The following SNAP47 variants were observed in gnomAD, a reference collection of about 807,000 sequenced individuals.
The protein encoded by SNAP47 is synaptosomal-associated protein 47.
SNAP47 carries 20 observed loss-of-function variants against 31.4 expected under a neutral mutation model. That is an observed-to-expected ratio of 0.64 (90% CI 0.45 to 0.93). The LOEUF is 0.93. SNAP47 is among the 40% of genes least tolerant of loss of function. The pLI, the probability that SNAP47 is intolerant of heterozygous loss-of-function variation, is 0.00. For synonymous variants in SNAP47, 194 were observed against 213.4 expected, an observed-to-expected ratio of 0.91 and a Z score of 0.79; for missense variants, 492 against 528.5, an observed-to-expected ratio of 0.93 and a Z score of 0.68.
intron 4 of SNAP47, chr1:227,776,286 T>C (rs1264797587): frequency 9.9e-7 from 1 of 1,008,616 alleles, no homozygotes; most frequent in Non-Finnish European, 1.2e-6. Context: ...TGGATTGTAC[T>C]GTCCTTCAAG....
intron 4 of SNAP47, among the ~76,000 whole-genome samples, chr1:227,769,291 G>T (rs772653763): frequency 6.6e-6 from 1 of 152,184 alleles, no homozygotes; most frequent in Non-Finnish European, 1.5e-5. Flanking sequence ...GTCACCCAAG[G>T]TATGGGGTTG....
chr1:227,735,406 A>C (rs1270992298), upstream of SNAP47: 1 of 1,563,540 alleles, frequency 6.4e-7, no homozygotes, highest in African/African-American at 1.4e-5. Flanking sequence ...CCGGGCCTGC[A>C]CGCATGCGCG....
intron 2 of SNAP47, among the ~76,000 whole-genome samples, chr1:227,748,476 C>T (rs1424677134): frequency 6.6e-6 from 1 of 152,266 alleles, no homozygotes; most frequent in Non-Finnish European, 1.5e-5. Flanking sequence ...TGAGTGAGTG[C>T]TGGCTCACTG....
At chr1:227,735,429 G>T (rs780148429), upstream of SNAP47, 4 of 1,532,250 alleles carry the variant, frequency 2.6e-6, no homozygotes, top group East Asian at 2.5e-5. Context: ...GCTCGCCGCG[G>T]TCTTCACTGC....
chr1:227,780,647 A>C lies in SNAP47; in HGVS notation c.1234A>C (p.Asn412His). 1.2e-6 allele frequency: 2 copies of C among 1,614,200 alleles called. No homozygotes were observed. The highest frequency in any genetic ancestry group is 1.7e-6 in the Non-Finnish European group (2 of 1,180,024). The part of the protein sequence containing the change: ...DRATLTIDKH[N>H]RRMKRLT ...GGCAACCTTGACCATCGACAAGCAC[A>C]ACAGGCGGATGAAGAGGCTGACCTA... is the stretch of plus-strand genomic sequence containing the variant. The change falls in exon 5 of 5, where the codon AAC becomes CAC. Residue 412 changes from asparagine to histidine, a missense_variant. By Grantham distance (68) the Asn-to-His change is moderately conservative. Transcript: ENST00000617596.
chr1:227,775,299 A>T (rs1664088607), intron 4 of SNAP47, among the ~76,000 whole-genome samples: 1 of 152,176 alleles, frequency 6.6e-6, no homozygotes, highest in African/African-American at 2.4e-5. Context: ...AACTATTTTG[A>T]GTTGTAGACA....
chr1:227,729,574 G>A (rs1660508924), intron 1 of SNAP47, among the ~76,000 whole-genome samples: 1 of 152,124 alleles, frequency 6.6e-6, no homozygotes, highest in Admixed American at 6.6e-5. Context: ...CCAGACCTGG[G>A]ATGTGGGCTT....
intron 2 of SNAP47, among the ~76,000 whole-genome samples, chr1:227,750,283 A>G (rs902785380): frequency 1.3e-4 from 20 of 152,170 alleles, no homozygotes; most frequent in African/African-American, 4.6e-4. Context: ...GGACAGTTGC[A>G]GGCCGAAGGC....
intron 4 of SNAP47, among the ~76,000 whole-genome samples, chr1:227,774,851 A>G (rs1003163334): frequency 6.6e-6 from 1 of 152,144 alleles, no homozygotes; most frequent in Non-Finnish European, 1.5e-5. Context: ...TCCCTCAAGC[A>G]CTCGGGTCTC....
chr1:227,777,287 G>T (rs1325912488), intron 4 of SNAP47: 1 of 235,958 alleles, frequency 4.2e-6, no homozygotes, highest in Admixed American at 6.5e-5. Flanking sequence ...TCTTGGGCAC[G>T]CACCACTCAG....
At chr1:227,775,751 T>C (rs763290608) in intron 4 of SNAP47, 3 of 1,298,044 alleles carry the variant, frequency 2.3e-6, no homozygotes, top group East Asian at 5.6e-5. Context: ...AAAATGGAAA[T>C]GGTGAGAATG....
chr1:227,776,880 C>G, intron 4 of SNAP47: 1 of 985,400 alleles, frequency 1.0e-6, no homozygotes, highest in Non-Finnish European at 1.2e-6. Flanking sequence ...AGGCCTTCAA[C>G]GTAGTGAGAC....
At chr1:227,780,272 G>T (rs1664387380) in intron 4 of SNAP47, among the ~76,000 whole-genome samples, 1 of 152,192 alleles carries the variant, frequency 6.6e-6, no homozygotes. Context: ...TGTGGCCACT[G>T]CACCAGGCAG....
intron 4 of SNAP47, among the ~76,000 whole-genome samples, chr1:227,767,597 TGTG>T (rs1362496831): frequency 9.2e-4 from 140 of 152,270 alleles, no homozygotes; most frequent in East Asian, 5.8e-4. Flanking sequence ...GTGCTGTGCA[TGTG>T]GTGTATGTGT....
At chr1:227,732,507 G>A (rs1408523263), upstream of SNAP47, 3 of 1,613,392 alleles carry the variant, frequency 1.9e-6, no homozygotes, top group Non-Finnish European at 2.5e-6. Flanking sequence ...AACCAAGGAG[G>A]CCAGCACCTC....
intron 4 of SNAP47, among the ~76,000 whole-genome samples, chr1:227,767,293 C>T (rs1346981005): frequency 6.6e-6 from 1 of 152,228 alleles, no homozygotes; most frequent in African/African-American, 2.4e-5. Flanking sequence ...TGGAACACAA[C>T]ATGCACCACA....
At chr1:227,738,337 C>A (rs1661369708) in intron 1 of SNAP47, among the ~76,000 whole-genome samples, 1 of 152,166 alleles carries the variant, frequency 6.6e-6, no homozygotes, top group Non-Finnish European at 1.5e-5. Flanking sequence ...ACCGCACACC[C>A]AGCCGAGATG....
chr1:227,758,286 G>A (rs1662815757), intron 2 of SNAP47, among the ~76,000 whole-genome samples: 3 of 152,358 alleles, frequency 2.0e-5, no homozygotes, highest in Admixed American at 6.5e-5. Flanking sequence ...TTCCTGGCCA[G>A]TAGAGGTAGC....
intron 3 of SNAP47, chr1:227,759,746 C>T (rs1255134733): frequency 1.9e-6 from 1 of 525,256 alleles, no homozygotes. Flanking sequence ...TGGTACCATG[C>T]TTTGGATACA....
Sources: allele counts gnomAD v4.1 joint callset (sites outside exome capture counted in the v4.1 genomes callset), GRCh38; gene constraint gnomAD v4.1.1; transcripts MANE v1.5; gene names NCBI Gene and HGNC (gene_info 2026-07-23, HGNC 2026-07-21).